The following RYK variants were observed in gnomAD, a reference collection of about 807,000 sequenced individuals.
RYK encodes the protein receptor like tyrosine kinase.
Under a neutral mutation model 70.2 loss-of-function variants are expected in RYK, and 21 were observed. The ratio of observed to expected loss-of-function variants is 0.30; its 90% CI spans 0.21 to 0.43. The LOEUF (loss-of-function observed/expected upper bound fraction) is 0.43. Among genes scored for constraint, RYK ranks in the 20% least tolerant of loss-of-function variants. RYK has a pLI of 1.00. For missense variants in RYK, 604 were observed against 753.3 expected, an observed-to-expected ratio of 0.80 and a Z score of 2.32; for synonymous variants, 267 against 278.0, an observed-to-expected ratio of 0.96 and a Z score of 0.39.
At chr3:134,179,072 AGTCACAATTG>A (rs1403037366) in intron 10 of RYK, 1 of 152,204 alleles carries the variant, frequency 6.6e-6, no homozygotes, top group Non-Finnish European at 1.5e-5. Context: ...CAGGATAATA[AGTCACAATTG>A]GTCACAATAT....
chr3:134,250,138 G>A (rs1199200447), intron 1 of RYK, among the ~76,000 whole-genome samples: 3 of 152,124 alleles, frequency 2.0e-5, no homozygotes, highest in Non-Finnish European at 4.4e-5. Context: ...CTTCTAGGGA[G>A]AAGGGCTAAG....
chr3:134,180,122 C>T (rs1229821016), intron 10 of RYK: 26 of 152,006 alleles, frequency 1.7e-4, no homozygotes, highest in Non-Finnish European at 1.5e-5. Flanking sequence ...AATTCTCAGT[C>T]TTGTTGAGGG....
chr3:134,192,142 T>TA (rs1417872226), intron 7 of RYK, among the ~76,000 whole-genome samples, 168 bp from the exon 8 acceptor site: 1 of 152,134 alleles, frequency 6.6e-6, no homozygotes, highest in Non-Finnish European at 1.5e-5. Context: ...AAGGCCACAC[T>TA]AAATGTTAAA....
intron 13 of RYK, among the ~76,000 whole-genome samples, chr3:134,169,410 T>C (rs2012813644): frequency 6.6e-6 from 1 of 152,106 alleles, no homozygotes; most frequent in Non-Finnish European, 1.5e-5. Context: ...GAAAGTCACA[T>C]AAAAAAATTT....
At chr3:134,246,541 C>T (rs2015473413) in intron 1 of RYK, among the ~76,000 whole-genome samples, 1 of 151,412 alleles carries the variant, frequency 6.6e-6, no homozygotes, top group East Asian at 1.9e-4. Context: ...ACCTGAGCTT[C>T]AAAAAAACAG....
intron 13 of RYK, among the ~76,000 whole-genome samples, chr3:134,160,723 C>T (rs1310816870): frequency 1.3e-5 from 2 of 152,246 alleles, no homozygotes; most frequent in South Asian, 2.1e-4. Context: ...GGCATGGTGG[C>T]GCATGCCTGT....
chr3:134,241,329 GA>G (rs931780899), intron 1 of RYK, among the ~76,000 whole-genome samples: 3 of 148,736 alleles, frequency 2.0e-5, no homozygotes, highest in Non-Finnish European at 4.4e-5. Context: ...CAGCCTGAGA[GA>G]AAGAGCAAGA....
intron 2 of RYK, among the ~76,000 whole-genome samples, chr3:134,218,164 G>A (rs1308019545): frequency 1.3e-5 from 2 of 151,988 alleles, no homozygotes; most frequent in East Asian, 1.9e-4. Context: ...AACTACTGTC[G>A]AGTGTACCCA....
In RYK at chr3:134,227,593, C is replaced by A. The variant is rs140846247; in HGVS notation, c.233-5054G>T. Among the ~76,000 whole-genome samples the A allele has an allele frequency of 4.2e-3, 640 of 152,040 alleles. 2 individuals carry two copies. The highest frequency in any genetic ancestry group is 0.015 in the African/African-American group (615 of 41,492). On this transcript the variant is annotated intron_variant, in intron 1 of 14. Coordinates refer to ENST00000623711, the MANE Select transcript of RYK (RefSeq NM_002958.4). ...TTAAAACCACAATGAGATACCACCT[C>A]ATTCCTGTTAGGACAGCTATTATAC... is the stretch of plus-strand genomic sequence containing the variant.
chr3:134,214,929 A>C (rs914014331), intron 2 of RYK, among the ~76,000 whole-genome samples: 1 of 152,180 alleles, frequency 6.6e-6, no homozygotes, highest in African/African-American at 2.4e-5. Flanking sequence ...ATCCTAGTAC[A>C]CTAGGGTTCT....
chr3:134,216,521 G>A (rs1455139319), intron 2 of RYK, among the ~76,000 whole-genome samples: 1 of 152,024 alleles, frequency 6.6e-6, no homozygotes, highest in Non-Finnish European at 1.5e-5. Context: ...GGCCAGGCGC[G>A]GTGGCTCATG....
chr3:134,222,450 A>C lies in RYK; in HGVS notation c.322T>G (p.Phe108Val). The change falls in exon 2 of 15, where the codon TTC becomes GTC. Residue 108 changes from phenylalanine (F) to valine (V), a missense_variant. Phe to Val is a conservative substitution (Grantham distance 50, BLOSUM62 -1). This residue lies in a region of RYK where 466 missense variants were observed against 535.9 expected (regional missense o/e 0.87). Coordinates refer to ENST00000623711, the MANE Select transcript of RYK (RefSeq NM_002958.4). ...TTCGCATGCCAGGTGAAGTGCAGGA[A>C]ATTTGTCTCACTGGGTACTAACAGA... ...FSLLVPSETN[F>V]LHFTWHAKSK... The C allele has an allele frequency of 6.2e-7, 1 of 1,613,508 alleles. No individual in the cohort carries two copies. Among genetic ancestry groups the C allele is most frequent in the Non-Finnish European group, 8.5e-7 (1 of 1,179,752 alleles).
At chr3:134,223,751 T>C (rs2014805548) in intron 1 of RYK, among the ~76,000 whole-genome samples, 1 of 152,174 alleles carries the variant, frequency 6.6e-6, no homozygotes, top group Non-Finnish European at 1.5e-5. Context: ...ATACATGACA[T>C]ATATATTCCA....
chr3:134,175,543 G>A, intron 13 of RYK, 66 bp downstream of exon 13: 1 of 1,536,426 alleles, frequency 6.5e-7, no homozygotes, highest in South Asian at 1.2e-5. Context: ...GATAAAAATA[G>A]TAGAACATTT....
At chr3:134,250,175 T>C (rs2015574140) in intron 1 of RYK, among the ~76,000 whole-genome samples, 2 of 151,866 alleles carry the variant, frequency 1.3e-5, no homozygotes, top group Non-Finnish European at 2.9e-5. Context: ...TGGGATGGGG[T>C]GAATCTGGGT....
intron 3 of RYK, 58 bp downstream of exon 3, chr3:134,211,450 C>T: frequency 8.4e-7 from 1 of 1,183,826 alleles, no homozygotes; most frequent in South Asian, 1.4e-5. Flanking sequence ...TGTTTTGGGG[C>T]CATAGGGGAT....
chr3:134,198,380 G>A (rs1414101889), intron 6 of RYK, among the ~76,000 whole-genome samples: 11 of 152,154 alleles, frequency 7.2e-5, no homozygotes, highest in Non-Finnish European at 1.6e-4. Context: ...TATTTATTAA[G>A]TATCTACTAC....
intron 5 of RYK, among the ~76,000 whole-genome samples, chr3:134,206,375 G>C (rs2014212959): frequency 6.6e-6 from 1 of 152,072 alleles, no homozygotes; most frequent in Admixed American, 6.6e-5. Flanking sequence ...TGCAGAATGT[G>C]GGAAATTCTA....
chr3:134,242,422 C>T (rs2015348070), intron 1 of RYK, among the ~76,000 whole-genome samples: 1 of 152,108 alleles, frequency 6.6e-6, no homozygotes, highest in South Asian at 2.1e-4. Context: ...AATACACACA[C>T]GTTTATTTTG....
Sources: allele counts gnomAD v4.1 joint callset (sites outside exome capture counted in the v4.1 genomes callset), GRCh38; gene constraint gnomAD v4.1.1; regional missense constraint gnomAD v4.1.1; transcripts MANE v1.5; gene names NCBI Gene and HGNC (gene_info 2026-07-23, HGNC 2026-07-21).